Variants in GNB4 observed in about 807,000 individuals in gnomAD.
The protein encoded by GNB4 is G protein subunit beta 4.
Under a neutral mutation model 45.2 loss-of-function variants are expected in GNB4, and 28 were observed. That is an observed-to-expected ratio of 0.62 (90% CI 0.46 to 0.85). The LOEUF (loss-of-function observed/expected upper bound fraction) is 0.85, where lower values mean the gene tolerates loss of function less well. Ranked by LOEUF, GNB4 falls within the 40% of genes least tolerant of loss-of-function variation. The pLI, the probability that GNB4 is intolerant of heterozygous loss-of-function variation, is 0.00. For missense variants in GNB4, 321 were observed against 425.4 expected, an observed-to-expected ratio of 0.75 and a Z score of 2.16; for synonymous variants, 132 against 143.7, an observed-to-expected ratio of 0.92 and a Z score of 0.58.
the GNB4 span, among the ~76,000 whole-genome samples, chr3:179,463,656 CCTCTT>C: frequency 6.6e-6 from 1 of 152,182 alleles, no homozygotes; most frequent in African/African-American, 2.4e-5. Context: ...CATCATATTC[CCTCTT>C]AGCAAGATAG....
intron 2 of GNB4, 22 bp downstream of exon 2, chr3:179,426,122 T>C: frequency 6.3e-7 from 1 of 1,594,024 alleles, no homozygotes; most frequent in South Asian, 1.1e-5. Context: ...AGTGCTAACA[T>C]TTTGAAATGA....
chr3:179,461,839 CAT>C, the GNB4 span, among the ~76,000 whole-genome samples: 10 of 152,192 alleles, frequency 6.6e-5, no homozygotes, highest in Non-Finnish European at 1.2e-4. Context: ...GAATCTTAAA[CAT>C]AGAACACAAG....
intron 4 of GNB4, among the ~76,000 whole-genome samples, chr3:179,418,630 C>G (rs1163929742): frequency 6.6e-6 from 1 of 152,138 alleles, no homozygotes; most frequent in East Asian, 1.9e-4. Context: ...GAGGCTTCTT[C>G]TACTTTATAA....
At chr3:179,470,734 G>C in the GNB4 span, among the ~76,000 whole-genome samples, 4 of 151,754 alleles carry the variant, frequency 2.6e-5, no homozygotes, top group Non-Finnish European at 5.9e-5. Flanking sequence ...TAGTAGAGAC[G>C]GGGTTTTATC....
chr3:179,505,346 G>A, the GNB4 span, among the ~76,000 whole-genome samples: 1 of 152,206 alleles, frequency 6.6e-6, no homozygotes, highest in Non-Finnish European at 1.5e-5. Flanking sequence ...CTTAAGTCAT[G>A]AAGATGAAAC....
chr3:179,462,832 G>A, the GNB4 span, among the ~76,000 whole-genome samples: 6 of 151,808 alleles, frequency 4.0e-5, no homozygotes, highest in South Asian at 2.1e-4. Context: ...GTGAAACTCC[G>A]TCCCCAAAAA....
chr3:179,442,201 C>A (rs1715613368), intron 1 of GNB4, among the ~76,000 whole-genome samples: 1 of 152,122 alleles, frequency 6.6e-6, no homozygotes, highest in South Asian at 2.1e-4. Flanking sequence ...TCATTGAAAC[C>A]AAATGTTTAT....
chr3:179,403,109 G>GA (rs1281803222), intron 9 of GNB4, among the ~76,000 whole-genome samples: 1 of 152,154 alleles, frequency 6.6e-6, no homozygotes, highest in Non-Finnish European at 1.5e-5. Flanking sequence ...GAAAAAGGAA[G>GA]AAAGGCAGAA....
At chr3:179,408,262 GACA>G (rs1253434198) in intron 8 of GNB4, among the ~76,000 whole-genome samples, 1 of 151,968 alleles carries the variant, frequency 6.6e-6, no homozygotes, top group Non-Finnish European at 1.5e-5. Context: ...AACAGACAAG[GACA>G]ACAACGTCTG....
chr3:179,444,777 T>A (rs1715678366), intron 1 of GNB4, among the ~76,000 whole-genome samples: 1 of 152,346 alleles, frequency 6.6e-6, no homozygotes, highest in East Asian at 1.9e-4. Flanking sequence ...TTAAATTATT[T>A]CCTTATAAAA....
the GNB4 span, among the ~76,000 whole-genome samples, chr3:179,490,747 T>G: frequency 6.6e-6 from 1 of 152,166 alleles, no homozygotes; most frequent in Non-Finnish European, 1.5e-5. Context: ...AATTGCATGG[T>G]GCCTACCTAC....
intron 1 of GNB4, among the ~76,000 whole-genome samples, chr3:179,441,611 G>T (rs1447965883): frequency 6.6e-6 from 1 of 151,790 alleles, no homozygotes. Flanking sequence ...AATTAGCCAG[G>T]CTGGGTGGCC....
chr3:179,438,443 AC>A (rs1463298500), intron 1 of GNB4, among the ~76,000 whole-genome samples: 2 of 152,232 alleles, frequency 1.3e-5, no homozygotes, highest in Non-Finnish European at 2.9e-5. Flanking sequence ...TAAATAATAC[AC>A]ATTTTTTAAT....
chr3:179,425,898 G>T (rs994423047), intron 2 of GNB4, among the ~76,000 whole-genome samples: 3 of 152,208 alleles, frequency 2.0e-5, no homozygotes, highest in African/African-American at 7.2e-5. Context: ...AATAAAAAGA[G>T]AATTATGTCT....
At chr3:179,413,379 A>C in intron 8 of GNB4, 33 bp downstream of exon 8, 1 of 1,555,956 alleles carries the variant, frequency 6.4e-7, no homozygotes, top group Non-Finnish European at 8.9e-7. Context: ...TTAAATGCAT[A>C]ATAAATTTTC....
chr3:179,520,797 A>T, the GNB4 span, among the ~76,000 whole-genome samples: 105,843 of 151,734 alleles, frequency 0.7, 37,808 homozygotes, highest in East Asian at 0.97. Flanking sequence ...CATTTCCCCA[A>T]ATTTCCTTCT....
the GNB4 span, among the ~76,000 whole-genome samples, chr3:179,486,629 G>C: frequency 2.0e-5 from 3 of 152,336 alleles, no homozygotes; most frequent in East Asian, 5.8e-4. Context: ...CATAGGACAA[G>C]TTTTGATCCT....
chr3:179,511,537 G>A, the GNB4 span, among the ~76,000 whole-genome samples: 1 of 152,162 alleles, frequency 6.6e-6, no homozygotes, highest in South Asian at 2.1e-4. Context: ...AGACTCTGAA[G>A]GCAAAGTGCC....
At chr3:179,467,790 T>C in the GNB4 span, among the ~76,000 whole-genome samples, 9 of 152,058 alleles carry the variant, frequency 5.9e-5, no homozygotes, top group Non-Finnish European at 1.2e-4. Context: ...TTCATGAAAC[T>C]GGTTTTTATC....
Sources: gnomAD v4.1 joint callset for allele counts (sites outside exome capture counted in the v4.1 genomes callset) on GRCh38, gnomAD v4.1.1 for gene constraint, MANE v1.5 for transcripts, NCBI Gene and HGNC (gene_info 2026-07-23, HGNC 2026-07-21) for gene names.